CDK6: variants seen among roughly 807,000 people sequenced by gnomAD.
CDK6 encodes the protein cyclin dependent kinase 6, also known as cyclin-dependent kinase 6.
Under a neutral mutation model 37.1 loss-of-function variants are expected in CDK6, and 6 were observed. That is an observed-to-expected ratio of 0.16 (90% CI 0.09 to 0.32). The LOEUF is 0.32. Among genes scored for constraint, CDK6 ranks in the 10% least tolerant of loss-of-function variants. The probability of loss-of-function intolerance (pLI) is 1.00; values close to 1 mark genes in which losing one functional copy is unlikely to be tolerated. For missense variants in CDK6, 224 were observed against 418.9 expected (o/e 0.53, Z 4.06); for synonymous variants, 160 against 161.3 (o/e 0.99, Z 0.06).
At chr7:92,815,166 C>T (rs1254855134) in intron 2 of CDK6, among the ~76,000 whole-genome samples, 1 of 152,138 alleles carries the variant, frequency 6.6e-6, no homozygotes, top group Non-Finnish European at 1.5e-5. Context: ...GTTAGCATTC[C>T]TATTGCCATC....
At chr7:92,823,155 C>T (rs1413176810) in intron 2 of CDK6, among the ~76,000 whole-genome samples, 1 of 151,020 alleles carries the variant, frequency 6.6e-6, no homozygotes, top group Admixed American at 6.6e-5. Flanking sequence ...TCTCTTGACT[C>T]ATCTCAAAAG....
chr7:92,775,223 T>C (rs989355369), intron 2 of CDK6, among the ~76,000 whole-genome samples: 9 of 152,330 alleles, frequency 5.9e-5, no homozygotes, highest in Non-Finnish European at 8.8e-5. Context: ...TAGAGATAGA[T>C]TGAGCATCCT....
intron 4 of CDK6, among the ~76,000 whole-genome samples, chr7:92,711,841 T>C (rs1334054077): frequency 1.3e-5 from 2 of 151,800 alleles, no homozygotes; most frequent in African/African-American, 4.8e-5. Context: ...GTGGTGGAAT[T>C]ACATGCGTTA....
chr7:92,625,846 A>G (rs1795917050), intron 5 of CDK6, among the ~76,000 whole-genome samples: 2 of 152,068 alleles, frequency 1.3e-5, no homozygotes, highest in Non-Finnish European at 2.9e-5. Context: ...CAATAATTTC[A>G]TTGTACTCAA....
At chr7:92,762,116 G>GT (rs1162553813) in intron 3 of CDK6, among the ~76,000 whole-genome samples, 1 of 152,096 alleles carries the variant, frequency 6.6e-6, no homozygotes, top group Non-Finnish European at 1.5e-5. Flanking sequence ...AGGACTTGAG[G>GT]TTTACAAGAT....
intron 5 of CDK6, among the ~76,000 whole-genome samples, chr7:92,650,538 G>A (rs1026517154): frequency 2.0e-5 from 3 of 152,142 alleles, no homozygotes; most frequent in Non-Finnish European, 4.4e-5. Context: ...TCATCTCACA[G>A]CTCTGTAGGT....
chr7:92,641,873 C>T (rs1358085977), intron 5 of CDK6, among the ~76,000 whole-genome samples: 1 of 152,172 alleles, frequency 6.6e-6, no homozygotes, highest in Admixed American at 6.6e-5. Context: ...GGCCACACAG[C>T]CTTAGATAAG....
intron 3 of CDK6, among the ~76,000 whole-genome samples, chr7:92,740,269 T>G (rs1798888868): frequency 6.6e-6 from 1 of 152,212 alleles, no homozygotes; most frequent in South Asian, 2.1e-4. Flanking sequence ...TGCAATGCTA[T>G]TTGCTTTTCC....
chr7:92,769,652 TA>T (rs1799663614), intron 3 of CDK6, among the ~76,000 whole-genome samples: 1 of 152,182 alleles, frequency 6.6e-6, no homozygotes, highest in African/African-American at 2.4e-5. Flanking sequence ...AATGATTTAG[TA>T]AAAGAGGGCA....
At position 92,609,420 on chromosome 7, in the gene CDK6, T is replaced by C. The variant is rs1185707189; in HGVS notation, c.*5720A>G. 1 of 229,656 alleles carries C rather than the reference T, an allele frequency of 4.4e-6. No individual in the cohort carries two copies. The highest frequency in any genetic ancestry group is 8.6e-6 in the Non-Finnish European group (1 of 116,016). The allele number at this position is 229,656 out of a possible 1,614,324, so 14.2% of individuals were successfully genotyped here. On this transcript the variant is annotated 3_prime_UTR_variant, in exon 8 of 8. Coordinates refer to ENST00000424848, the MANE Select transcript of CDK6 (RefSeq NM_001145306.2). ...ACACACTCCTAAGTTGTTATGCTCA[T>C]ATACTTCAGACTTTTTTTTTTTAAT...
chr7:92,725,731 G>A lies in CDK6; in HGVS notation c.432C>T (p.Arg144=), dbSNP rs530604241. The change falls in exon 4 of 8, where the codon CGC becomes CGT. Residue 144 remains arginine (R), a synonymous_variant. Coordinates refer to ENST00000424848, the MANE Select transcript of CDK6 (RefSeq NM_001145306.2). ...CCAGAATGTTCTGTGGTTTTAGATCGCGATGCACTACTCGGTGTGAATGAA... is the reference window on the plus strand; with the variant it reads ...CCAGAATGTTCTGTGGTTTTAGATCACGATGCACTACTCGGTGTGAATGAA... ...DFLHSHRVVH[R]DLKPQNILVT... 20 of 1,613,984 alleles carry A rather than the reference G, an allele frequency of 1.2e-5. No homozygotes were observed. The highest frequency in any genetic ancestry group is 4.5e-5 in the East Asian group (2 of 44,876).
intron 4 of CDK6, among the ~76,000 whole-genome samples, chr7:92,713,746 C>T (rs1352688103): frequency 3.3e-5 from 5 of 150,766 alleles, no homozygotes; most frequent in Non-Finnish European, 7.4e-5. Context: ...GCTGACTAGT[C>T]ATGCATTTGT....
chr7:92,672,257 T>C (rs1454619843), intron 4 of CDK6, among the ~76,000 whole-genome samples: 3 of 107,202 alleles, frequency 2.8e-5, no homozygotes. Context: ...ATGAAGATGG[T>C]GCCAGGGCTG....
chr7:92,667,560 T>A (rs977400675), intron 5 of CDK6, among the ~76,000 whole-genome samples: 3 of 151,828 alleles, frequency 2.0e-5, no homozygotes, highest in Non-Finnish European at 4.4e-5. Flanking sequence ...AAGTTTTTTT[T>A]TTTTTTTGAG....
chr7:92,656,202 C>A (rs1345382804), intron 5 of CDK6, among the ~76,000 whole-genome samples: 1 of 152,112 alleles, frequency 6.6e-6, no homozygotes, highest in Non-Finnish European at 1.5e-5. Flanking sequence ...TAGGTAATAT[C>A]TTTTATTTCT....
chr7:92,655,398 C>G (rs908707141), intron 5 of CDK6, among the ~76,000 whole-genome samples: 1 of 152,122 alleles, frequency 6.6e-6, no homozygotes, highest in Non-Finnish European at 1.5e-5. Flanking sequence ...TGAAACATGT[C>G]TAAGTTCAGT....
chr7:92,709,937 T>C, intron 4 of CDK6, among the ~76,000 whole-genome samples: 1 of 152,242 alleles, frequency 6.6e-6, no homozygotes, highest in East Asian at 1.9e-4. Flanking sequence ...AGCTTTCTGC[T>C]TTCAACATAT....
At chr7:92,682,263 A>G (rs1322333029) in intron 4 of CDK6, among the ~76,000 whole-genome samples, 2 of 152,142 alleles carry the variant, frequency 1.3e-5, no homozygotes, top group Admixed American at 6.5e-5. Flanking sequence ...TTTACCTCCA[A>G]TGCTCTCATA....
intron 2 of CDK6, among the ~76,000 whole-genome samples, chr7:92,829,626 TG>T (rs1801425836): frequency 6.6e-6 from 1 of 152,196 alleles, no homozygotes; most frequent in Non-Finnish European, 1.5e-5. Flanking sequence ...GGAGCTCAAA[TG>T]TTCACTTATA....
Sources: allele counts gnomAD v4.1 joint callset (sites outside exome capture counted in the v4.1 genomes callset), GRCh38; gene constraint gnomAD v4.1.1; transcripts MANE v1.5; gene names NCBI Gene and HGNC (gene_info 2026-07-23, HGNC 2026-07-21).